Variants in ITGA9 observed in about 807,000 individuals in gnomAD.
ITGA9 encodes integrin subunit alpha 9.
A neutral mutation model predicts 127.8 loss-of-function variants in ITGA9; 56 were observed. The observed-to-expected ratio is 0.44, with a 90% CI of 0.35 to 0.55. The LOEUF (loss-of-function observed/expected upper bound fraction) is 0.55, where lower values mean the gene tolerates loss of function less well. Ranked by LOEUF, ITGA9 falls within the 20% of genes least tolerant of loss-of-function variation. The pLI is 0.00. For synonymous variants in ITGA9, 508 were observed against 514.5 expected (o/e 0.99, Z 0.17); for missense variants, 1,196 against 1,347.1 (o/e 0.89, Z 1.76).
chr3:37,635,817 TC>T (rs902854943), intron 16 of ITGA9, among the ~76,000 whole-genome samples: 13 of 143,360 alleles, frequency 9.1e-5, no homozygotes, highest in African/African-American at 3.4e-4. Flanking sequence ...TGTGTGATGT[TC>T]CCCTTCCTGT....
At chr3:37,538,288 G>GAGTTGA in intron 14 of ITGA9, among the ~76,000 whole-genome samples, 1 of 152,366 alleles carries the variant, frequency 6.6e-6, no homozygotes, top group Middle Eastern at 3.4e-3. Flanking sequence ...ACCAGAGCTA[G>GAGTTGA]AGTTGATGAG....
At chr3:37,785,173 T>A in intron 26 of ITGA9, 95 bp downstream of exon 26, 2 of 893,658 alleles carry the variant, frequency 2.2e-6, no homozygotes, top group Non-Finnish European at 3.8e-6. Flanking sequence ...CAAGACAGTC[T>A]CTGAGCCAAG....
chr3:37,780,091 T>TA lies in ITGA9; in HGVS notation c.2787+78dup, dbSNP rs1306335494. On this transcript the variant is annotated intron_variant, in intron 25 of 27. Coordinates refer to ENST00000264741, the MANE Select transcript of ITGA9 (RefSeq NM_002207.3). ...TGAATTGTTGACATCTGATTTTGGG[T>TA]AAAAAAAAGGAAAAAGGAAAGCATT... The TA allele has an allele frequency of 6.4e-5, 102 of 1,583,472 alleles. 1 individual carries two copies. Among genetic ancestry groups the TA allele is most frequent in the South Asian group, 3.1e-4 (28 of 89,768 alleles).
At chr3:37,758,477 TA>T (rs1696683217) in intron 23 of ITGA9, among the ~76,000 whole-genome samples, 1 of 151,024 alleles carries the variant, frequency 6.6e-6, no homozygotes, top group Non-Finnish European at 1.5e-5. Context: ...TTATTATTAA[TA>T]ATAAAAGGAT....
At chr3:37,721,259 C>G (rs1037772935) in intron 18 of ITGA9, among the ~76,000 whole-genome samples, 4 of 151,910 alleles carry the variant, frequency 2.6e-5, no homozygotes, top group Non-Finnish European at 5.9e-5. Flanking sequence ...GCTGGGACCA[C>G]AGGTGTGTGC....
At chr3:37,759,623 T>C (rs6802949) in intron 23 of ITGA9, among the ~76,000 whole-genome samples, 46,852 of 152,136 alleles carry the variant, frequency 0.31, 7,395 homozygotes, top group Middle Eastern at 0.47. Context: ...AAACATGGGC[T>C]GAGCATGGTG....
intron 1 of ITGA9, among the ~76,000 whole-genome samples, chr3:37,467,318 T>C (rs1412632327): frequency 6.6e-6 from 1 of 152,226 alleles, no homozygotes; most frequent in Non-Finnish European, 1.5e-5. Context: ...TATCAGGGTT[T>C]GAATCAGCTA....
At chr3:37,497,395 C>G (rs1391806506) in intron 5 of ITGA9, among the ~76,000 whole-genome samples, 2 of 151,448 alleles carry the variant, frequency 1.3e-5, no homozygotes, top group Non-Finnish European at 2.9e-5. Context: ...ATGTATACTG[C>G]AAGTTGGCAT....
chr3:37,503,475 A>G (rs112146951), intron 6 of ITGA9, among the ~76,000 whole-genome samples, 168 bp downstream of exon 6: 1,883 of 152,336 alleles, frequency 0.012, 36 homozygotes, highest in African/African-American at 0.043. Context: ...AGCTCCACAA[A>G]CACAAGGTAG....
At chr3:37,762,445 G>C (rs1447150082) in intron 23 of ITGA9, among the ~76,000 whole-genome samples, 1 of 152,214 alleles carries the variant, frequency 6.6e-6, no homozygotes, top group East Asian at 1.9e-4. Flanking sequence ...GGGAGAGAAA[G>C]AAGGAGGCTT....
chr3:37,624,383 G>C (rs959540915), intron 15 of ITGA9, among the ~76,000 whole-genome samples: 1 of 151,618 alleles, frequency 6.6e-6, no homozygotes, highest in African/African-American at 2.4e-5. Context: ...CCTTTGGCTG[G>C]GCAGATGAGG....
chr3:37,694,494 G>A (rs1367030867), intron 18 of ITGA9, among the ~76,000 whole-genome samples: 2 of 152,384 alleles, frequency 1.3e-5, no homozygotes, highest in East Asian at 1.9e-4. Context: ...GGCGGCTTCA[G>A]TATTCCGCCG....
intron 26 of ITGA9, among the ~76,000 whole-genome samples, chr3:37,801,056 T>C (rs1305520771): frequency 6.6e-6 from 1 of 152,156 alleles, no homozygotes. Flanking sequence ...TCCCAGCTTC[T>C]TGGGAGGCTC....
intron 1 of ITGA9, among the ~76,000 whole-genome samples, chr3:37,462,055 G>T (rs141043060): frequency 6.6e-6 from 1 of 152,278 alleles, no homozygotes; most frequent in Non-Finnish European, 1.5e-5. Flanking sequence ...TCTTAGATCT[G>T]CCAGAAGTCT....
chr3:37,754,794 C>T (rs9835150), intron 23 of ITGA9, among the ~76,000 whole-genome samples: 1 of 151,904 alleles, frequency 6.6e-6, no homozygotes, highest in Admixed American at 6.6e-5. Context: ...AGTAGACAGG[C>T]CTACCCATGA....
At chr3:37,644,221 G>T in intron 16 of ITGA9, among the ~76,000 whole-genome samples, 1 of 152,322 alleles carries the variant, frequency 6.6e-6, no homozygotes, top group Non-Finnish European at 1.5e-5. Context: ...TGGGGCCAGG[G>T]CCTCACCAAG....
chr3:37,669,311 T>G (rs1380649422), intron 17 of ITGA9, among the ~76,000 whole-genome samples: 2 of 152,220 alleles, frequency 1.3e-5, no homozygotes, highest in Non-Finnish European at 2.9e-5. Flanking sequence ...GCTGGCTGAT[T>G]TGGGGTGTGG....
At chr3:37,777,324 T>TA (rs2125550160) in intron 23 of ITGA9, 68 bp from the exon 24 acceptor site, 2 of 1,562,474 alleles carry the variant, frequency 1.3e-6, no homozygotes, top group Admixed American at 3.3e-5. Flanking sequence ...GCCTCTACAA[T>TA]AAGAGGCTCC....
At chr3:37,817,165 A>G (rs1198542080) in intron 27 of ITGA9, among the ~76,000 whole-genome samples, 2 of 152,238 alleles carry the variant, frequency 1.3e-5, no homozygotes, top group Non-Finnish European at 1.5e-5. Context: ...CACAGACAAC[A>G]AAAACATTTG....
Sources: allele counts gnomAD v4.1 joint callset (sites outside exome capture counted in the v4.1 genomes callset), GRCh38; gene constraint gnomAD v4.1.1; transcripts MANE v1.5; gene names NCBI Gene and HGNC (gene_info 2026-07-23, HGNC 2026-07-21).